RHOU: variants seen among roughly 807,000 people sequenced by gnomAD.
The protein encoded by RHOU is rho-related GTP-binding protein RhoU.
Under a neutral mutation model 12.6 loss-of-function variants are expected in RHOU, and 8 were observed. The observed-to-expected ratio is 0.64, with a 90% CI of 0.37 to 1.15. The LOEUF (loss-of-function observed/expected upper bound fraction) is 1.15. Ranked by LOEUF, RHOU falls within the 50% of genes most tolerant of loss-of-function variation. The pLI is 0.01. For synonymous variants in RHOU, 161 were observed against 147.4 expected, an observed-to-expected ratio of 1.09 and a Z score of -0.67; for missense variants, 258 against 347.0, an observed-to-expected ratio of 0.74 and a Z score of 2.04.
At chr1:228,676,997 G>A in the RHOU span, among the ~76,000 whole-genome samples, 4 of 152,176 alleles carry the variant, frequency 2.6e-5, no homozygotes, top group Non-Finnish European at 4.4e-5. Context: ...TGACATTCCT[G>A]TCTTCTTATA....
the RHOU span, among the ~76,000 whole-genome samples, chr1:228,707,255 AGTGTGTGTGTGTGTGTG>A: frequency 2.5e-5 from 1 of 40,710 alleles, no homozygotes; most frequent in Non-Finnish European, 4.5e-5. Context: ...ATATATATAT[AGTGTGTGTGTGTGTGTG>A]TGTGTGTGTG....
chr1:228,738,041 A>C lies in RHOU; in HGVS notation c.321+310A>C, dbSNP rs2295255. ...TTACTTACTCCCTGGTTTTTATGAA[A>C]AAATTTCAGTGATGCTTTGTCATCA... On this transcript the variant is annotated intron_variant, in intron 2 of 2. Transcript: ENST00000366691. The surrounding 1 kb of genome is among the most constrained non-coding windows in gnomAD (Gnocchi z 4.2). 0.17 allele frequency among the ~76,000 whole-genome samples: 25,535 copies of C among 152,166 alleles called. 2,810 individuals are homozygous for C. Among genetic ancestry groups the C allele is most frequent in the African/African-American group, 0.31 (12,914 of 41,468 alleles).
At chr1:228,674,538 G>A in the RHOU span, among the ~76,000 whole-genome samples, 1 of 151,532 alleles carries the variant, frequency 6.6e-6, no homozygotes, top group Non-Finnish European at 1.5e-5. Context: ...TAGAAACGGA[G>A]TTTCACCATG....
the RHOU span, among the ~76,000 whole-genome samples, chr1:228,696,365 T>C: frequency 2.0e-5 from 3 of 151,738 alleles, no homozygotes; most frequent in African/African-American, 7.2e-5. Flanking sequence ...GTTTTTTTTT[T>C]CCATTTCTTA....
At chr1:228,689,778 G>T in the RHOU span, among the ~76,000 whole-genome samples, 1 of 151,776 alleles carries the variant, frequency 6.6e-6, no homozygotes, top group Admixed American at 6.6e-5. Context: ...GATCTGAGAT[G>T]GAACAGTTTC....
the RHOU span, among the ~76,000 whole-genome samples, chr1:228,671,936 C>T: frequency 4.6e-5 from 7 of 151,994 alleles, no homozygotes; most frequent in Admixed American, 4.6e-4. Context: ...GAGTTCTGTT[C>T]TTGTACATTC....
chr1:228,682,684 T>A, the RHOU span, among the ~76,000 whole-genome samples: 7 of 152,222 alleles, frequency 4.6e-5, no homozygotes, highest in South Asian at 1.2e-3. Context: ...AAACAAATCA[T>A]AATGTTGAGT....
chr1:228,707,255 A>AGTGT, the RHOU span, among the ~76,000 whole-genome samples: 46 of 40,702 alleles, frequency 1.1e-3, no homozygotes, highest in Middle Eastern at 0.012. Context: ...ATATATATAT[A>AGTGT]GTGTGTGTGT....
At chr1:228,736,337 C>A (rs550594836) in intron 1 of RHOU, among the ~76,000 whole-genome samples, 2 of 151,932 alleles carry the variant, frequency 1.3e-5, no homozygotes, top group African/African-American at 4.8e-5. Flanking sequence ...TCAGGGTGCC[C>A]GGTCAGTTTG....
At chr1:228,657,369 C>T in the RHOU span, among the ~76,000 whole-genome samples, 3 of 129,002 alleles carry the variant, frequency 2.3e-5, no homozygotes, top group Non-Finnish European at 3.4e-5. Flanking sequence ...CAAAAGAGAA[C>T]AGTAGTGGCT....
At chr1:228,689,383 T>C in the RHOU span, among the ~76,000 whole-genome samples, 7 of 152,218 alleles carry the variant, frequency 4.6e-5, no homozygotes, top group Admixed American at 1.3e-4. Context: ...AGAAACGCGA[T>C]TGGGACATGA....
At chr1:228,648,283 C>T in the RHOU span, among the ~76,000 whole-genome samples, 1 of 152,248 alleles carries the variant, frequency 6.6e-6, no homozygotes, top group African/African-American at 2.4e-5. Context: ...CGCGGCGCCA[C>T]CCTGTTTCCT....
Position 228,735,996 on chromosome 1 carries a change from A to G in RHOU, c.254A>G (p.Asn85Ser), listed in dbSNP as rs1662600288. ...PTEYIPTAFD[N>S]FSAVVSVDGR... Reference sequence around the variant, plus strand: ...GAGTACATCCCTACTGCCTTCGACAACTTCTCCGGTGAGCTGGCCGGGGGG... The same window carrying G: ...GAGTACATCCCTACTGCCTTCGACAGCTTCTCCGGTGAGCTGGCCGGGGGG... The change falls in exon 1 of 3, where the codon AAC becomes AGC. Residue 85 changes from asparagine to serine, a missense_variant. Coordinates refer to ENST00000366691, the MANE Select transcript of RHOU (RefSeq NM_021205.6). The surrounding 1 kb of genome is among the most constrained non-coding windows in gnomAD (Gnocchi z 8.1). The G allele has an allele frequency of 6.4e-7, 1 of 1,573,534 alleles. No homozygotes were observed. Among genetic ancestry groups the G allele is most frequent in the Non-Finnish European group, 8.6e-7 (1 of 1,166,270 alleles).
At chr1:228,739,436 C>T (rs572659619) in intron 2 of RHOU, among the ~76,000 whole-genome samples, 13 of 152,130 alleles carry the variant, frequency 8.5e-5, no homozygotes, top group Admixed American at 3.9e-4. Context: ...TGGTGCCGGG[C>T]GCCTGTAATA....
At chr1:228,698,053 C>A in the RHOU span, among the ~76,000 whole-genome samples, 2 of 152,120 alleles carry the variant, frequency 1.3e-5, no homozygotes, top group Non-Finnish European at 2.9e-5. Context: ...TTTGGTAGAA[C>A]ATGCATAACA....
the RHOU span, chr1:228,650,456 C>G: frequency 4.4e-6 from 2 of 456,582 alleles, no homozygotes; most frequent in South Asian, 1.5e-5. Context: ...CCTCGGAGCA[C>G]GCTGCTGCTG....
the RHOU span, among the ~76,000 whole-genome samples, chr1:228,672,411 C>A: frequency 2.0e-5 from 3 of 152,172 alleles, no homozygotes; most frequent in Non-Finnish European, 4.4e-5. Context: ...GGTCCACCTG[C>A]TTCGGCCTCC....
At chr1:228,684,006 G>A in the RHOU span, among the ~76,000 whole-genome samples, 2 of 152,146 alleles carry the variant, frequency 1.3e-5, no homozygotes, top group South Asian at 2.1e-4. Context: ...GAATCCCAGC[G>A]TATGCCTGTG....
At chr1:228,685,647 T>C in the RHOU span, among the ~76,000 whole-genome samples, 1 of 152,232 alleles carries the variant, frequency 6.6e-6, no homozygotes, top group African/African-American at 2.4e-5. Flanking sequence ...ATAACTAAAG[T>C]ATTCAGAGAC....
Sources: gnomAD v4.1 joint callset for allele counts (sites outside exome capture counted in the v4.1 genomes callset) on GRCh38, gnomAD v4.1.1 for gene constraint, Gnocchi (gnomAD v3.1) non-coding constraint, MANE v1.5 for transcripts, NCBI Gene and HGNC (gene_info 2026-07-23, HGNC 2026-07-21) for gene names.